Variants in ZNF808 observed in about 807,000 individuals in gnomAD.
ZNF808 encodes zinc finger protein 808.
A neutral mutation model predicts 8.7 loss-of-function variants in ZNF808; 5 were observed. The ratio of observed to expected loss-of-function variants is 0.58; its 90% confidence interval spans 0.30 to 1.21. The LOEUF (loss-of-function observed/expected upper bound fraction) is 1.21. ZNF808 is among the 50% of genes most tolerant of loss of function. ZNF808 has a pLI of 0.07. For synonymous variants in ZNF808, 380 were observed against 366.0 expected, an observed-to-expected ratio of 1.04 and a Z score of -0.44; for missense variants, 1,103 against 1,098.4, an observed-to-expected ratio of 1.00 and a Z score of -0.06.
At chr19:52,558,116 C>T (rs8104197), downstream of ZNF808, among the ~76,000 whole-genome samples, 1 of 132,268 alleles carries the variant, frequency 7.6e-6, no homozygotes, top group Non-Finnish European at 1.5e-5. Context: ...GACAGAGTCT[C>T]GCTCTGTTGC....
chr19:52,547,872 T>G (rs903232144), intron 4 of ZNF808, among the ~76,000 whole-genome samples: 2 of 151,962 alleles, frequency 1.3e-5, no homozygotes, highest in Admixed American at 6.6e-5. Flanking sequence ...CCTGAGTAGC[T>G]GGGATTACAG....
chr19:52,563,094 T>G (rs1469997313), intron 3 of ZNF808, among the ~76,000 whole-genome samples: 1 of 152,086 alleles, frequency 6.6e-6, no homozygotes, highest in East Asian at 1.9e-4. Flanking sequence ...TCTTACTCCT[T>G]ATAATGCTGT....
chr19:52,547,304 A>G (rs1277506447), intron 3 of ZNF808, among the ~76,000 whole-genome samples: 2 of 152,124 alleles, frequency 1.3e-5, no homozygotes, highest in East Asian at 3.9e-4. Context: ...CGAGACTTCC[A>G]TAGTGACTTA....
exon 4 of ZNF808, chr19:52,563,558 G>T (rs893429704): frequency 3.3e-4 from 51 of 152,458 alleles, no homozygotes; most frequent in African/African-American, 1.2e-3. Flanking sequence ...TGTAAAGTTT[G>T]GGTACAGGAA....
downstream of ZNF808, among the ~76,000 whole-genome samples, chr19:52,566,484 A>G (rs578208359): frequency 2.6e-5 from 4 of 152,290 alleles, no homozygotes; most frequent in Non-Finnish European, 5.9e-5. Context: ...TATTTCTAGT[A>G]TTAGATTGAA....
At chr19:52,561,774 C>T (rs1436146056) in intron 3 of ZNF808, among the ~76,000 whole-genome samples, 5 of 151,958 alleles carry the variant, frequency 3.3e-5, no homozygotes, top group East Asian at 3.9e-4. Flanking sequence ...CTCAAGCTCC[C>T]GACCTCAGGA....
intron 4 of ZNF808, among the ~76,000 whole-genome samples, chr19:52,549,209 ACCT>A (rs1421258420): frequency 4.6e-5 from 7 of 151,430 alleles, no homozygotes; most frequent in Admixed American, 4.6e-4. Flanking sequence ...TGAACTCCTG[ACCT>A]CCTGATGCAC....
chr19:52,539,823 G>A (rs2059652873), intron 2 of ZNF808, among the ~76,000 whole-genome samples: 1 of 151,748 alleles, frequency 6.6e-6, no homozygotes, highest in African/African-American at 2.4e-5. Flanking sequence ...AAGGTGCTGG[G>A]ATTACAGGTA....
downstream of ZNF808, among the ~76,000 whole-genome samples, chr19:52,568,186 AC>A (rs111554758): frequency 5.3e-4 from 81 of 152,276 alleles, no homozygotes; most frequent in African/African-American, 1.9e-3. Context: ...AGCCTGGCCA[AC>A]ATGGGGAAAC....
At chr19:52,562,638 A>T (rs1238269997) in intron 3 of ZNF808, among the ~76,000 whole-genome samples, 1 of 152,236 alleles carries the variant, frequency 6.6e-6, no homozygotes, top group Non-Finnish European at 1.5e-5. Context: ...TTCCCAGTAT[A>T]CAGTCTGTGT....
intron 4 of ZNF808, among the ~76,000 whole-genome samples, chr19:52,551,400 G>A (rs1346824974): frequency 6.6e-6 from 1 of 150,614 alleles, no homozygotes; most frequent in East Asian, 1.9e-4. Context: ...GCATGTGTCT[G>A]TACTCCCTGC....
intron 3 of ZNF808, among the ~76,000 whole-genome samples, chr19:52,546,698 A>T: frequency 7.6e-6 from 1 of 131,610 alleles, no homozygotes; most frequent in East Asian, 2.3e-4. Flanking sequence ...AGCTAAAGTG[A>T]AGTGGTGCGA....
At chr19:52,533,583 G>A (rs554211608) in intron 2 of ZNF808, among the ~76,000 whole-genome samples, 3 of 151,396 alleles carry the variant, frequency 2.0e-5, no homozygotes, top group Non-Finnish European at 2.9e-5. Flanking sequence ...ACAGCCACGC[G>A]CAGTGGCTCA....
In ZNF808 at chr19:52,554,711, G is replaced by A; in HGVS notation, c.1795G>A (p.Ala599Thr). The change falls in exon 5 of 5, where the codon GCA becomes ACA. Residue 599 changes from alanine to threonine, a missense_variant. Coordinates refer to ENST00000359798, the MANE Select transcript of ZNF808 (RefSeq NM_001039886.4). ...HTGEKPYKCE[A>T]CDKVFGQKSA... Reference sequence around the variant, plus strand: ...TGGAGAGAAACCTTACAAATGTGAAGCATGTGACAAAGTTTTTGGTCAGAA... The same window carrying A: ...TGGAGAGAAACCTTACAAATGTGAAACATGTGACAAAGTTTTTGGTCAGAA... 6.2e-7 allele frequency: 1 copy of A among 1,613,976 alleles called. No homozygotes were observed. Among genetic ancestry groups the A allele is most frequent in the Non-Finnish European group, 8.5e-7 (1 of 1,179,936 alleles).
chr19:52,531,228 C>G (rs1346688125), intron 1 of ZNF808, among the ~76,000 whole-genome samples: 2 of 152,170 alleles, frequency 1.3e-5, no homozygotes, highest in Non-Finnish European at 2.9e-5. Flanking sequence ...AATTCCAGCA[C>G]TTTGGAAGGC....
rs1246583605 is a variant in ZNF808, at chr19:52,554,343, T to C, written c.1427T>C (p.Ile476Thr). 3 of 1,613,676 alleles carry C rather than the reference T, an allele frequency of 1.9e-6. No homozygotes were observed. Among genetic ancestry groups the C allele is most frequent in the African/African-American group, 1.3e-5 (1 of 74,808 alleles). ...TCACAGCTGGCACGACATAGAAGAA[T>C]TCACACTGGAGAGAAAACTTACAAG... ...CNSQLARHRRIHTGEKTYKCN... is the reference protein window; with the variant it reads ...CNSQLARHRRTHTGEKTYKCN... The change falls in exon 5 of 5, where the codon ATT becomes ACT. Residue 476 changes from isoleucine to threonine, a missense_variant. By Grantham distance (89) the Ile-to-Thr change is moderately conservative. Coordinates refer to ENST00000359798, the MANE Select transcript of ZNF808 (RefSeq NM_001039886.4).
Position 52,534,722 on chromosome 19 carries a change from C to T in ZNF808, c.-20+1713C>T, listed in dbSNP as rs1335432264. On this transcript the variant is annotated intron_variant, in intron 2 of 4. Coordinates refer to ENST00000359798, the MANE Select transcript of ZNF808 (RefSeq NM_001039886.4). The stretch of plus-strand genomic sequence containing the variant: ...TGGCCAACATGGTGAAACCCCGTCT[C>T]TACCAAAAATATGAAAGTTAGCTGG... 4.6e-5 allele frequency among the ~76,000 whole-genome samples: 7 copies of T among 152,014 alleles called. No individual in the cohort carries two copies. The South Asian group carries it at 1.2e-3, about 27-fold the overall frequency.
intron 4 of ZNF808, among the ~76,000 whole-genome samples, chr19:52,548,002 A>G (rs1400621054): frequency 2.0e-5 from 3 of 151,392 alleles, no homozygotes; most frequent in African/African-American, 4.9e-5. Flanking sequence ...CCCTCCCAAA[A>G]TGCTGGGATT....
At chr19:52,552,559 C>T (rs556297481) in intron 4 of ZNF808, among the ~76,000 whole-genome samples, 21 of 151,980 alleles carry the variant, frequency 1.4e-4, no homozygotes, top group African/African-American at 4.8e-4. Flanking sequence ...ACTACAGGCA[C>T]GGACCATCAC....
Sources: gnomAD v4.1 joint callset for allele counts (sites outside exome capture counted in the v4.1 genomes callset) on GRCh38, gnomAD v4.1.1 for gene constraint, MANE v1.5 for transcripts, NCBI Gene and HGNC (gene_info 2026-07-23, HGNC 2026-07-21) for gene names.